SGCD: variants seen among roughly 807,000 people sequenced by gnomAD.
SGCD encodes delta-sarcoglycan.
A neutral mutation model predicts 36.6 loss-of-function variants in SGCD; 18 were observed. That is an observed-to-expected ratio of 0.49 (90% confidence interval 0.34 to 0.73). SGCD has a LOEUF of 0.73. Among genes scored for constraint, SGCD ranks in the 30% least tolerant of loss-of-function variants. SGCD has a pLI of 0.01. For missense variants in SGCD, 387 were observed against 346.7 expected, an observed-to-expected ratio of 1.12 and a Z score of -0.92; for synonymous variants, 133 against 130.6, an observed-to-expected ratio of 1.02 and a Z score of -0.12.
intron 3 of SGCD, among the ~76,000 whole-genome samples, chr5:156,229,281 T>C (rs184548079): frequency 1.1e-4 from 11 of 98,044 alleles, no homozygotes; most frequent in African/African-American, 3.9e-4. Context: ...TACATACATA[T>C]ATATATATAT....
At chr5:156,204,875 A>G (rs1431788308) in intron 3 of SGCD, among the ~76,000 whole-genome samples, 1 of 152,068 alleles carries the variant, frequency 6.6e-6, no homozygotes, top group Non-Finnish European at 1.5e-5. Flanking sequence ...ACTTTTCTCC[A>G]CTGTGTTATC....
chr5:156,334,231 C>T (rs1050718612), intron 2 of SGCD, among the ~76,000 whole-genome samples: 1 of 152,086 alleles, frequency 6.6e-6, no homozygotes, highest in Non-Finnish European at 1.5e-5. Flanking sequence ...TTAGAAAGCA[C>T]CGATCTTGTA....
At chr5:155,985,307 T>G (rs935544130) in intron 1 of SGCD, among the ~76,000 whole-genome samples, 1 of 152,152 alleles carries the variant, frequency 6.6e-6, no homozygotes, top group Non-Finnish European at 1.5e-5. Flanking sequence ...CTCAATTCTA[T>G]GTGCTTTATG....
At chr5:156,053,592 C>A (rs901130687) in intron 1 of SGCD, among the ~76,000 whole-genome samples, 1 of 146,162 alleles carries the variant, frequency 6.8e-6, no homozygotes, top group South Asian at 2.2e-4. Flanking sequence ...GAGCTTGGAG[C>A]TCTTGTGTGA....
At chr5:156,140,351 C>T (rs56206905) in intron 3 of SGCD, among the ~76,000 whole-genome samples, 5 of 151,948 alleles carry the variant, frequency 3.3e-5, no homozygotes, top group Non-Finnish European at 7.4e-5. Flanking sequence ...AGAGAGATGT[C>T]GAGAAAGGCT....
At chr5:156,335,128 T>C (rs929611613) in intron 2 of SGCD, among the ~76,000 whole-genome samples, 3 of 152,202 alleles carry the variant, frequency 2.0e-5, no homozygotes, top group African/African-American at 7.2e-5. Context: ...GTGTATCTGC[T>C]AATTCCTGGT....
Position 156,232,596 on chromosome 5 carries a change from G to A in SGCD, c.-43-96938G>A, listed in dbSNP as rs559335383. On this transcript the variant is annotated intron_variant, in intron 3 of 9. Transcript: ENST00000517913. ...TACTTATATGGGCTGCATTGTGACT[G>A]ATGTATACACCATGCATCATTAGGA... is the stretch of plus-strand genomic sequence containing the variant. Among the ~76,000 whole-genome samples, 8 of 152,286 alleles carry A rather than the reference G, an allele frequency of 5.3e-5. No homozygotes were observed. The South Asian group carries it at 8.3e-4, about 16-fold the overall frequency.
chr5:156,240,514 T>G (rs1018941050), intron 3 of SGCD, among the ~76,000 whole-genome samples: 8 of 152,154 alleles, frequency 5.3e-5, no homozygotes, highest in Admixed American at 1.3e-4. Flanking sequence ...CAGTGTGAGA[T>G]GGGTCAGTAC....
At chr5:156,549,061 C>A (rs1758691643) in intron 4 of SGCD, among the ~76,000 whole-genome samples, 1 of 151,788 alleles carries the variant, frequency 6.6e-6, no homozygotes. Flanking sequence ...CCCTTCCCTA[C>A]ATCAAAATGC....
chr5:156,014,628 A>T (rs1196072152), intron 1 of SGCD, among the ~76,000 whole-genome samples: 1 of 152,126 alleles, frequency 6.6e-6, no homozygotes, highest in Non-Finnish European at 1.5e-5. Flanking sequence ...ATGTATTTTT[A>T]TGTAATCTAC....
At chr5:156,199,596 T>A (rs1451948680) in intron 3 of SGCD, among the ~76,000 whole-genome samples, 2 of 152,128 alleles carry the variant, frequency 1.3e-5, no homozygotes, top group African/African-American at 4.8e-5. Context: ...CAGACTTCCA[T>A]CTTTTGGCTT....
chr5:156,597,651 A>G (rs1016409340), intron 6 of SGCD, among the ~76,000 whole-genome samples: 7 of 152,160 alleles, frequency 4.6e-5, no homozygotes, highest in Admixed American at 1.3e-4. Context: ...GAAAGGGGAG[A>G]CTTGAGACAT....
At chr5:156,671,921 C>A (rs1159777248) in intron 7 of SGCD, among the ~76,000 whole-genome samples, 1 of 152,216 alleles carries the variant, frequency 6.6e-6, no homozygotes, top group East Asian at 1.9e-4. Flanking sequence ...AGACACCGGG[C>A]TCTTTAAAAC....
chr5:155,955,983 AG>A (rs1268924245), intron 1 of SGCD, among the ~76,000 whole-genome samples: 4 of 152,126 alleles, frequency 2.6e-5, no homozygotes, highest in Non-Finnish European at 5.9e-5. Flanking sequence ...TGTAATTCAA[AG>A]GAGAAGGAGT....
Position 156,560,781 on chromosome 5 carries a change from T to A in SGCD, c.295-28450T>A, listed in dbSNP as rs142092980. 2.2e-3 allele frequency among the ~76,000 whole-genome samples: 338 copies of A among 152,328 alleles called. 1 individual carries two copies. Among genetic ancestry groups the A allele is most frequent in the African/African-American group, 7.7e-3 (319 of 41,592 alleles). ...GTGGCTTTAGAGTTAGACAAACTTC[T>A]GTCCATTCAAATCTGTGTCCTGCCT... On this transcript the variant is annotated intron_variant, in intron 4 of 8. Coordinates refer to ENST00000337851, the MANE Select transcript of SGCD (RefSeq NM_000337.6).
the SGCD span, among the ~76,000 whole-genome samples, chr5:155,763,471 A>G: frequency 6.6e-6 from 1 of 152,208 alleles, no homozygotes; most frequent in Non-Finnish European, 1.5e-5. Flanking sequence ...AGGGCATAAG[A>G]GTTAAATGCT....
At chr5:155,855,197 C>T in the SGCD span, among the ~76,000 whole-genome samples, 1 of 152,094 alleles carries the variant, frequency 6.6e-6, no homozygotes, top group South Asian at 2.1e-4. Flanking sequence ...GTCAGAAGTT[C>T]CAGAAAATCA....
Position 156,333,783 on chromosome 5 carries a change from A to ATTTTTTTTTTTTTTTTTTTTTTTT in SGCD, c.3+4218_3+4241dup, listed in dbSNP as rs70984404. On this transcript the variant is annotated intron_variant, in intron 2 of 8. Transcript: ENST00000337851. ...GTGCTTTCTTTATGTTAGAAAAGTG[A>ATTTTTTTTTTTTTTTTTTTTTTTT]TTTTTTTTTTTTTTTTTTTTTTTTT... Among the ~76,000 whole-genome samples the ATTTTTTTTTTTTTTTTTTTTTTTT allele has an allele frequency of 1.6e-3, 32 of 19,966 alleles. 14 individuals carry two copies. The highest frequency in any genetic ancestry group is 1.8e-3 in the Non-Finnish European group (19 of 10,476). The allele number at this position is 19,966 out of a possible 152,430, so 13.1% of individuals were successfully genotyped here.
rs1762004879 is a variant in SGCD at position 156,615,958 on chromosome 5, T to C, written c.502+20907T>C. 2.0e-5 allele frequency among the ~76,000 whole-genome samples: 3 copies of C among 152,280 alleles called. 1 individual carries two copies. The South Asian group carries it at 6.2e-4, about 32-fold the overall frequency. On this transcript the variant is annotated intron_variant, in intron 6 of 8. Transcript: ENST00000337851. ...GCTTGGTGAATGGAGTCAGATGTGT[T>C]TATCATTCGGGTCTCACTTGGTTGT...
Sources: gnomAD v4.1 joint callset for allele counts (sites outside exome capture counted in the v4.1 genomes callset) on GRCh38, gnomAD v4.1.1 for gene constraint, MANE v1.5 for transcripts, NCBI Gene and HGNC (gene_info 2026-07-23, HGNC 2026-07-21) for gene names.